The following FHDC1 variants were observed in gnomAD, a reference collection of about 807,000 sequenced individuals.
The protein encoded by FHDC1 is FH2 domain containing 1.
In FHDC1, 25 loss-of-function variants were observed where a neutral mutation model predicts 52.6. That is an observed-to-expected ratio of 0.48 (90% CI 0.35 to 0.66). The LOEUF is 0.66. FHDC1 is among the 30% of genes least tolerant of loss of function. The pLI is 0.01. For synonymous variants in FHDC1, 616 were observed against 581.5 expected (o/e 1.06, Z -0.85); for missense variants, 1,459 against 1,452.8 (o/e 1.00, Z -0.07).
At chr4:152,956,771 C>G (rs1456606409) in intron 4 of FHDC1, among the ~76,000 whole-genome samples, 1 of 152,236 alleles carries the variant, frequency 6.6e-6, no homozygotes. Context: ...CATCCTCAGT[C>G]TGAATATCTG....
intron 1 of FHDC1, among the ~76,000 whole-genome samples, chr4:152,938,166 A>G (rs1739456239): frequency 6.7e-6 from 1 of 148,760 alleles, no homozygotes; most frequent in African/African-American, 2.5e-5. Flanking sequence ...CCCTCTCTCT[A>G]GAGCATCCTT....
intron 2 of FHDC1, among the ~76,000 whole-genome samples, chr4:152,945,843 G>A (rs543692903): frequency 1.3e-5 from 2 of 152,222 alleles, no homozygotes; most frequent in African/African-American, 2.4e-5. Context: ...AACACTTTTC[G>A]TGCTGCGGAA....
intron 10 of FHDC1, among the ~76,000 whole-genome samples, chr4:152,972,143 T>G (rs1316560343): frequency 6.6e-6 from 1 of 152,204 alleles, no homozygotes; most frequent in East Asian, 1.9e-4. Flanking sequence ...TAAATCTATC[T>G]TGTTGCTTAG....
chr4:152,950,194 G>T (rs1165207709), intron 2 of FHDC1, among the ~76,000 whole-genome samples: 1 of 152,160 alleles, frequency 6.6e-6, no homozygotes, highest in African/African-American at 2.4e-5. Context: ...AACCCGACCC[G>T]ACTTTGTTTC....
chr4:152,924,433 C>A, the FHDC1 span, among the ~76,000 whole-genome samples: 4 of 152,250 alleles, frequency 2.6e-5, no homozygotes, highest in East Asian at 5.8e-4. Context: ...TAGTTCAACC[C>A]TTGTGGAAGT....
chr4:152,958,188 T>G (rs948351701), intron 4 of FHDC1, among the ~76,000 whole-genome samples: 2 of 152,066 alleles, frequency 1.3e-5, no homozygotes, highest in African/African-American at 4.8e-5. Context: ...CCCTTTGGAG[T>G]GTGAGAGTCT....
intron 1 of FHDC1, among the ~76,000 whole-genome samples, chr4:152,937,873 C>G (rs1201074087): frequency 6.6e-6 from 1 of 152,228 alleles, no homozygotes; most frequent in East Asian, 1.9e-4. Flanking sequence ...GCGGCTGAGC[C>G]GGTGGCTTGT....
At chr4:152,937,454 G>A (rs1739422077) in intron 1 of FHDC1, among the ~76,000 whole-genome samples, 1 of 152,028 alleles carries the variant, frequency 6.6e-6, no homozygotes, top group South Asian at 2.1e-4. Flanking sequence ...GGGAGCGTGG[G>A]CTTTCCAGCG....
the FHDC1 span, among the ~76,000 whole-genome samples, chr4:152,914,295 T>C: frequency 2.0e-5 from 3 of 152,236 alleles, no homozygotes; most frequent in African/African-American, 7.2e-5. Context: ...TGGGCCTTTA[T>C]AATAAATTGC....
At chr4:152,913,829 C>T in the FHDC1 span, among the ~76,000 whole-genome samples, 13 of 152,086 alleles carry the variant, frequency 8.5e-5, no homozygotes, top group East Asian at 1.9e-4. Context: ...TACAGGCATG[C>T]GCCACCACGC....
At chr4:152,913,613 C>A in the FHDC1 span, among the ~76,000 whole-genome samples, 2 of 152,232 alleles carry the variant, frequency 1.3e-5, no homozygotes, top group South Asian at 4.1e-4. Context: ...TAGCTCTTTT[C>A]TTTTTTAACC....
chr4:152,949,384 G>A (rs1418957868), intron 2 of FHDC1, among the ~76,000 whole-genome samples: 2 of 151,968 alleles, frequency 1.3e-5, no homozygotes, highest in Admixed American at 6.6e-5. Context: ...GGAGGCTGAT[G>A]CAGAAGGATT....
rs866590931 is a variant in FHDC1, at chr4:152,949,148, G to T, written c.499-4351G>T. On this transcript the variant is annotated intron_variant, in intron 2 of 11. Coordinates refer to ENST00000511601, the MANE Select transcript of FHDC1 (RefSeq NM_001371116.1). ...ATAAGAAGAAGAAGAAGAAGAAGAA[G>T]AAGAAGAAGAAGAAGAAGAAGAAGC... Among the ~76,000 whole-genome samples the T allele has an allele frequency of 4.4e-3, 627 of 142,514 alleles. 5 individuals are homozygous for T. Among genetic ancestry groups the T allele is most frequent in the Non-Finnish European group, 5.3e-3 (336 of 63,282 alleles). The allele number at this position is 142,514 out of a possible 152,430, so 93.5% of individuals were successfully genotyped here. A position where few individuals can be genotyped will look rare whatever the true frequency, so the allele number is the denominator to read the frequency against.
At chr4:152,950,025 G>A (rs1156756243) in intron 2 of FHDC1, among the ~76,000 whole-genome samples, 1 of 152,172 alleles carries the variant, frequency 6.6e-6, no homozygotes, top group Non-Finnish European at 1.5e-5. Context: ...GAGCTGGTGG[G>A]AGGGAGGGGA....
chr4:152,976,306 C>T lies in FHDC1; in HGVS notation c.3015C>T (p.Ala1005=). Residue 1005 remains alanine, a synonymous_variant, in exon 12 of 12, where the codon GCC becomes GCT. Coordinates refer to ENST00000511601, the MANE Select transcript of FHDC1 (RefSeq NM_001371116.1). ...CTGAGGAAAATAAGACCTGCCGCGC[C>T]CACTCCGAGGGCCCTGAGAGTCCCA... is the stretch of plus-strand genomic sequence containing the variant. ...QKPEENKTCR[A]HSEGPESPKE... 6.2e-7 allele frequency: 1 copy of T among 1,613,648 alleles called. No individual in the cohort carries two copies. Among genetic ancestry groups the T allele is most frequent in the Non-Finnish European group, 8.5e-7 (1 of 1,180,010 alleles).
chr4:152,960,857 A>G lies in FHDC1; in HGVS notation c.850+13A>G, dbSNP rs754973713. 6.5e-7 allele frequency: 1 copy of G among 1,537,544 alleles called. No homozygotes were observed. The highest frequency in any genetic ancestry group is 8.8e-7 in the Non-Finnish European group (1 of 1,140,798). On this transcript the variant is annotated intron_variant, in intron 6 of 11. Coordinates refer to ENST00000511601, the MANE Select transcript of FHDC1 (RefSeq NM_001371116.1). ...ACTGCTATAAAAGGTGAGTCAACAT[A>G]TGATCCTTCGCAGAATTTGTTTTTA...
chr4:152,919,597 T>G, the FHDC1 span, among the ~76,000 whole-genome samples: 1 of 152,220 alleles, frequency 6.6e-6, no homozygotes, highest in Non-Finnish European at 1.5e-5. Context: ...CACCAGACAT[T>G]CTTAACATAG....
At chr4:152,966,609 G>A (rs1401484938) in intron 9 of FHDC1, among the ~76,000 whole-genome samples, 2 of 151,994 alleles carry the variant, frequency 1.3e-5, no homozygotes, top group Non-Finnish European at 2.9e-5. Flanking sequence ...ACAGGCACCC[G>A]CCACCATGCC....
Position 152,976,465 on chromosome 4 carries a change from C to T in FHDC1, c.3174C>T (p.Pro1058=), listed in dbSNP as rs1042687987. 1.2e-5 allele frequency: 19 copies of T among 1,613,488 alleles called. No individual in the cohort carries two copies. The highest frequency in any genetic ancestry group is 1.0e-4 in the Admixed American group (6 of 60,002). Residue 1058 remains proline (P), a synonymous_variant, in exon 12 of 12, where the codon CCC becomes CCT. Coordinates refer to ENST00000511601, the MANE Select transcript of FHDC1 (RefSeq NM_001371116.1). ...RTDLPPVAKA[P]GITRTVSQRQ... is the part of the protein sequence containing the mutation. ...ATCTTCCTCCCGTGGCCAAAGCCCC[C>T]GGCATCACTCGGACAGTGTCGCAGC...
Sources: gnomAD v4.1 joint callset for allele counts (sites outside exome capture counted in the v4.1 genomes callset) on GRCh38, gnomAD v4.1.1 for gene constraint, MANE v1.5 for transcripts, NCBI Gene and HGNC (gene_info 2026-07-23, HGNC 2026-07-21) for gene names.